CLEC16A: variants seen among roughly 807,000 people sequenced by gnomAD.
CLEC16A encodes protein CLEC16A.
In CLEC16A, 51 loss-of-function variants were observed where a neutral mutation model predicts 109.5. The ratio of observed to expected loss-of-function variants is 0.47; its 90% CI spans 0.37 to 0.59. The LOEUF (loss-of-function observed/expected upper bound fraction) is 0.59, where lower values mean the gene tolerates loss of function less well. CLEC16A is among the 20% of genes least tolerant of loss of function. The pLI is 0.00. For missense variants in CLEC16A, 1,339 were observed against 1,394.0 expected, an observed-to-expected ratio of 0.96 and a Z score of 0.63; for synonymous variants, 673 against 564.2, an observed-to-expected ratio of 1.19 and a Z score of -2.73.
intron 19 of CLEC16A, among the ~76,000 whole-genome samples, chr16:11,095,012 G>A (rs1396450081): frequency 6.6e-6 from 1 of 152,088 alleles, no homozygotes; most frequent in Non-Finnish European, 1.5e-5. Context: ...TTCTTAGCAG[G>A]TGTGATCAAG....
rs533128851 is a variant in CLEC16A at position 11,154,586 on chromosome 16, C to G, written c.2642-11802C>G. ...CGTTCTTTTCTCCAAAGAGCTGGGC[C>G]ATTTCTTTTGCTACATACCCCTTTG... On this transcript the variant is annotated intron_variant, in intron 22 of 23. Coordinates refer to ENST00000409790, the MANE Select transcript of CLEC16A (RefSeq NM_015226.3). 2.0e-5 allele frequency among the ~76,000 whole-genome samples: 3 copies of G among 152,286 alleles called. No homozygotes were observed. In the South Asian group the frequency reaches 6.2e-4, roughly 32 times the overall value.
At chr16:11,119,336 G>A (rs2052232948) in intron 19 of CLEC16A, among the ~76,000 whole-genome samples, 3 of 152,174 alleles carry the variant, frequency 2.0e-5, no homozygotes, top group Non-Finnish European at 4.4e-5. Flanking sequence ...ACCATGCTGT[G>A]TTGGTTATTA....
intron 19 of CLEC16A, among the ~76,000 whole-genome samples, chr16:11,112,217 AG>A (rs1022611601): frequency 6.6e-6 from 1 of 152,256 alleles, no homozygotes; most frequent in Non-Finnish European, 1.5e-5. Context: ...CACAGTGGAC[AG>A]GCAACAAGAG....
At chr16:10,979,492 A>G (rs1024778834) in intron 9 of CLEC16A, 110 bp downstream of exon 9, 10 of 917,534 alleles carry the variant, frequency 1.1e-5, no homozygotes, top group East Asian at 2.7e-5. Context: ...TGTCCCCCCC[A>G]TGCTGGAGTA....
chr16:11,003,658 C>T (rs1233542487), intron 11 of CLEC16A, among the ~76,000 whole-genome samples: 1 of 152,108 alleles, frequency 6.6e-6, no homozygotes, highest in Non-Finnish European at 1.5e-5. Flanking sequence ...GTGCCTGGCC[C>T]ATTCTAAATG....
intron 22 of CLEC16A, among the ~76,000 whole-genome samples, chr16:11,163,741 G>T (rs1713175083): frequency 6.6e-6 from 1 of 152,132 alleles, no homozygotes; most frequent in Admixed American, 6.5e-5. Flanking sequence ...GACCACCTTG[G>T]CAACGGCTAT....
In CLEC16A at chr16:11,178,814, C is replaced by T. The variant is rs924418550; in HGVS notation, c.*124C>T. 1.2e-5 allele frequency: 8 copies of T among 686,448 alleles called. No individual in the cohort carries two copies. Among genetic ancestry groups the T allele is most frequent in the African/African-American group, 5.4e-5 (3 of 55,402 alleles). 42.5% of individuals were successfully genotyped at this position (686,448 alleles called of 1,614,324 possible). ...CGGCCCCCAGCAGCCATCTCAACCA[C>T]CTATCCCTGCGCTCCCTTGAATGGG... On this transcript the variant is annotated 3_prime_UTR_variant, in exon 24 of 24. Transcript: ENST00000409790. This position sits in a 1 kb window ranked among gnomAD's most constrained non-coding sequence, Gnocchi z 6.5.
chr16:11,053,668 G>C (rs1009728756), intron 18 of CLEC16A, among the ~76,000 whole-genome samples: 1 of 152,188 alleles, frequency 6.6e-6, no homozygotes. Flanking sequence ...ACCACGCCCT[G>C]TCCACAGGGG....
intron 18 of CLEC16A, among the ~76,000 whole-genome samples, chr16:11,055,933 C>T (rs971380532): frequency 6.6e-5 from 10 of 152,114 alleles, no homozygotes; most frequent in African/African-American, 2.2e-4. Flanking sequence ...TTTCTTTCAA[C>T]ATAGTTGTTG....
At chr16:11,139,921 C>T (rs564918315) in intron 22 of CLEC16A, among the ~76,000 whole-genome samples, 1 of 152,326 alleles carries the variant, frequency 6.6e-6, no homozygotes, top group South Asian at 2.1e-4. Context: ...AGGTGCTTTA[C>T]ACAAAATAAG....
intron 19 of CLEC16A, among the ~76,000 whole-genome samples, chr16:11,094,915 C>T (rs535978944): frequency 6.6e-6 from 1 of 152,204 alleles, no homozygotes; most frequent in African/African-American, 2.4e-5. Flanking sequence ...AAGTTTCCTA[C>T]TACTGGATGA....
chr16:11,092,382 A>ACACT lies in CLEC16A; in HGVS notation c.2117-28230_2117-28229insTCAC, dbSNP rs1380485865. On this transcript the variant is annotated intron_variant, in intron 19 of 23. Coordinates refer to ENST00000409790, the MANE Select transcript of CLEC16A (RefSeq NM_015226.3). ...AACAAACACACACACACACACACACACACACACACACACACACACATGCCA... is the reference window on the plus strand; with the variant it reads ...AACAAACACACACACACACACACACACACTCACACACACACACACACACATGCCA... Among the ~76,000 whole-genome samples the ACACT allele has an allele frequency of 1.3e-5, 2 of 150,388 alleles. 1 individual carries two copies. Among genetic ancestry groups the ACACT allele is most frequent in the African/African-American group, 4.9e-5 (2 of 40,508 alleles).
At chr16:11,109,431 G>A (rs1292186181) in intron 19 of CLEC16A, among the ~76,000 whole-genome samples, 2 of 152,150 alleles carry the variant, frequency 1.3e-5, no homozygotes, top group East Asian at 1.9e-4. Context: ...TGGGATTACA[G>A]GTATGAGCCA....
intron 12 of CLEC16A, among the ~76,000 whole-genome samples, chr16:11,023,612 C>T (rs1232741809): frequency 2.0e-5 from 3 of 147,946 alleles, no homozygotes; most frequent in Admixed American, 6.7e-5. Context: ...ATTTTTCCTA[C>T]TTTTTTTTTT....
At chr16:10,956,166 G>A (rs1452800658) in intron 1 of CLEC16A, among the ~76,000 whole-genome samples, 1 of 152,148 alleles carries the variant, frequency 6.6e-6, no homozygotes, top group African/African-American at 2.4e-5. Context: ...AGTGGTTGAG[G>A]ATTTGTGTTT....
In CLEC16A at chr16:10,997,691, C is replaced by T. The variant is rs2044413046; in HGVS notation, c.1072-5383C>T. Among the ~76,000 whole-genome samples, 5 of 152,170 alleles carry T rather than the reference C, an allele frequency of 3.3e-5. No individual in the cohort carries two copies. In the South Asian group the frequency reaches 1.0e-3, roughly 32 times the overall value. The stretch of plus-strand genomic sequence containing the variant: ...TTGAGTGATGTAGACGCAGGTAGAG[C>T]AGAAAGTGAAAGGTCCTCCAACCTC... On this transcript the variant is annotated intron_variant, in intron 10 of 23. Coordinates refer to ENST00000409790, the MANE Select transcript of CLEC16A (RefSeq NM_015226.3).
chr16:11,090,367 G>A (rs1334078905), intron 19 of CLEC16A, among the ~76,000 whole-genome samples: 1 of 152,158 alleles, frequency 6.6e-6, no homozygotes, highest in African/African-American at 2.4e-5. Flanking sequence ...TCCTGTGTTT[G>A]TGGATTCATG....
chr16:11,073,045 A>G (rs2049157296), intron 19 of CLEC16A, among the ~76,000 whole-genome samples: 1 of 152,228 alleles, frequency 6.6e-6, no homozygotes. Context: ...AATTTAGTTC[A>G]AGCATCCAGG....
At chr16:11,000,414 G>A (rs544037175) in intron 10 of CLEC16A, among the ~76,000 whole-genome samples, 2 of 152,270 alleles carry the variant, frequency 1.3e-5, no homozygotes, top group African/African-American at 2.4e-5. Context: ...TTTGCCCTGC[G>A]CTTGGTCTCT....
Sources: gnomAD v4.1 joint callset for allele counts (sites outside exome capture counted in the v4.1 genomes callset) on GRCh38, gnomAD v4.1.1 for gene constraint, Gnocchi (gnomAD v3.1) non-coding constraint, MANE v1.5 for transcripts, NCBI Gene and HGNC (gene_info 2026-07-23, HGNC 2026-07-21) for gene names.